ZNF248: variants seen among roughly 807,000 people sequenced by gnomAD.
ZNF248 encodes zinc finger protein 248, also known as KRAB protein domain.
In ZNF248, 20 loss-of-function variants were observed where a neutral mutation model predicts 44.3. The ratio of observed to expected loss-of-function variants is 0.45; its 90% CI spans 0.32 to 0.66. The LOEUF (loss-of-function observed/expected upper bound fraction) is 0.66. Among genes scored for constraint, ZNF248 ranks in the 30% least tolerant of loss-of-function variants. The pLI is 0.04. For synonymous variants in ZNF248, 224 were observed against 229.0 expected, an observed-to-expected ratio of 0.98 and a Z score of 0.20; for missense variants, 654 against 677.0, an observed-to-expected ratio of 0.97 and a Z score of 0.38.
chr10:37,792,418 G>C (rs1036145217), intron 6 of ZNF248, among the ~76,000 whole-genome samples: 3 of 152,172 alleles, frequency 2.0e-5, no homozygotes, highest in African/African-American at 7.2e-5. Flanking sequence ...CCTTCCTTTT[G>C]GAAGACTAGA....
intron 3 of ZNF248, among the ~76,000 whole-genome samples, chr10:37,851,764 T>A (rs2060270410): frequency 3.5e-5 from 1 of 28,438 alleles, no homozygotes; most frequent in African/African-American, 1.6e-4. Context: ...CCCATCAGAA[T>A]GACCAAAAAA....
intron 3 of ZNF248, among the ~76,000 whole-genome samples, chr10:37,855,381 AAAAAGT>A (rs2061099508): frequency 6.6e-6 from 1 of 152,230 alleles, no homozygotes; most frequent in Non-Finnish European, 1.5e-5. Flanking sequence ...TATACTTTTA[AAAAAGT>A]AAAAGTAATG....
At position 37,832,308 on chromosome 10, in the gene ZNF248, TC is replaced by T; in HGVS notation, c.1046del (p.Gly349GlufsTer75). 6.2e-7 allele frequency: 1 copy of T among 1,613,968 alleles called. No individual in the cohort carries two copies. Among genetic ancestry groups the T allele is most frequent in the Non-Finnish European group, 8.5e-7 (1 of 1,179,928 alleles). On this transcript the variant is annotated frameshift_variant, in exon 6 of 6. Coordinates refer to ENST00000395867, the MANE Select transcript of ZNF248 (RefSeq NM_021045.3). LOFTEE classifies it high-confidence loss of function. ...CATTTTCATTGTAATCATAAGACTT[TC>T]CCCCCATGTGTACTATTTGATGTTT... ...LLKHQIVHMG[G>X]KSYDYNENGS...
chr10:37,770,864 C>T, the ZNF248 span, among the ~76,000 whole-genome samples: 1 of 151,636 alleles, frequency 6.6e-6, no homozygotes, highest in African/African-American at 2.4e-5. Context: ...AATTTTTCAA[C>T]CTACTCATCT....
intron 3 of ZNF248, among the ~76,000 whole-genome samples, chr10:37,848,554 G>A (rs2059697101): frequency 6.6e-6 from 1 of 150,828 alleles, no homozygotes; most frequent in Non-Finnish European, 1.5e-5. Context: ...CTGCACTCCA[G>A]CCTGGGTGAC....
intron 6 of ZNF248, among the ~76,000 whole-genome samples, chr10:37,814,184 A>C (rs975581346): frequency 6.6e-6 from 1 of 152,024 alleles, no homozygotes; most frequent in African/African-American, 2.4e-5. Flanking sequence ...TGTGTTCTCT[A>C]CAGCTGTTTT....
chr10:37,769,656 A>G, the ZNF248 span, among the ~76,000 whole-genome samples: 1 of 152,204 alleles, frequency 6.6e-6, no homozygotes, highest in Non-Finnish European at 1.5e-5. Flanking sequence ...ACAAACCCAC[A>G]GCCAATATCA....
At chr10:37,758,663 AAAG>A in the ZNF248 span, among the ~76,000 whole-genome samples, 3 of 152,250 alleles carry the variant, frequency 2.0e-5, no homozygotes, top group African/African-American at 7.2e-5. Context: ...CATTCTGCTC[AAAG>A]AAGCAGGAGT....
At chr10:37,794,955 C>T (rs545467180) in intron 6 of ZNF248, 1 of 153,128 alleles carries the variant, frequency 6.5e-6, no homozygotes, top group South Asian at 2.1e-4. Context: ...TGAGATAAGA[C>T]TTTTTGTTGA....
chr10:37,777,247 A>G (rs1054021040), intron 6 of ZNF248, among the ~76,000 whole-genome samples: 2 of 152,198 alleles, frequency 1.3e-5, no homozygotes, highest in Non-Finnish European at 2.9e-5. Flanking sequence ...GCCAAACTGC[A>G]ACGACCACAA....
intron 5 of ZNF248, 107 bp downstream of exon 5, chr10:37,837,510 C>G: frequency 1.1e-6 from 1 of 882,760 alleles, no homozygotes; most frequent in Non-Finnish European, 1.8e-6. Flanking sequence ...AGGTCTGGGG[C>G]TAAAAAGAGA....
chr10:37,768,448 G>C, the ZNF248 span, among the ~76,000 whole-genome samples: 1 of 152,136 alleles, frequency 6.6e-6, no homozygotes, highest in African/African-American at 2.4e-5. Context: ...GATCAAACTA[G>C]AACTCAGGAC....
At chr10:37,850,264 G>C (rs945433599) in intron 3 of ZNF248, among the ~76,000 whole-genome samples, 4 of 152,152 alleles carry the variant, frequency 2.6e-5, no homozygotes. Flanking sequence ...GTCATAAATA[G>C]TTGCTAAATG....
chr10:37,850,913 G>A (rs191374571), intron 3 of ZNF248, among the ~76,000 whole-genome samples: 103 of 151,994 alleles, frequency 6.8e-4, no homozygotes, highest in African/African-American at 2.5e-3. Flanking sequence ...CTTAAGACTT[G>A]ATAACAAAAG....
intron 6 of ZNF248, among the ~76,000 whole-genome samples, chr10:37,791,116 C>T (rs2048501405): frequency 8.6e-6 from 1 of 116,722 alleles, no homozygotes; most frequent in Admixed American, 1.3e-4. Context: ...TGCAGTGGTG[C>T]GATCTGAACC....
the ZNF248 span, among the ~76,000 whole-genome samples, chr10:37,766,044 G>T: frequency 6.6e-6 from 1 of 152,242 alleles, no homozygotes; most frequent in Non-Finnish European, 1.5e-5. Context: ...CTGCAAGGTG[G>T]CAGCAACGCT....
At chr10:37,775,420 A>T (rs896199238), downstream of ZNF248, 2 of 152,138 alleles carry the variant, frequency 1.3e-5, no homozygotes, top group African/African-American at 4.8e-5. Context: ...AGAAGAACAC[A>T]GGGGTGGTCA....
At chr10:37,787,947 G>C (rs1205507531) in intron 6 of ZNF248, among the ~76,000 whole-genome samples, 1 of 152,144 alleles carries the variant, frequency 6.6e-6, no homozygotes, top group Admixed American at 6.5e-5. Context: ...TAATATTTCT[G>C]ATAAGTCTCA....
chr10:37,764,926 T>C, the ZNF248 span, among the ~76,000 whole-genome samples: 27 of 152,168 alleles, frequency 1.8e-4, no homozygotes, highest in Admixed American at 3.3e-4. Context: ...CACTAGTTTA[T>C]GTGGATATTA....
Sources: allele counts gnomAD v4.1 joint callset (sites outside exome capture counted in the v4.1 genomes callset), GRCh38; gene constraint gnomAD v4.1.1; transcripts MANE v1.5; gene names NCBI Gene and HGNC (gene_info 2026-07-23, HGNC 2026-07-21).